Variants in SAMMSON observed in about 807,000 individuals in gnomAD.
SAMMSON encodes the protein long intergenic non-protein coding RNA 1212.
intron 3 of SAMMSON, among the ~76,000 whole-genome samples, chr3:70,064,354 G>A (rs2067201640): frequency 6.6e-6 from 1 of 152,162 alleles, no homozygotes; most frequent in African/African-American, 2.4e-5. Context: ...TTAAGCACTT[G>A]TAGTTAAGCG....
chr3:70,407,600 G>C (rs568173179), intron 2 of SAMMSON, among the ~76,000 whole-genome samples: 12 of 152,362 alleles, frequency 7.9e-5, no homozygotes, highest in Admixed American at 5.9e-4. Context: ...TCCAGGTTAT[G>C]CTGATGGAAG....
chr3:70,376,886 TG>T (rs1483993894), intron 9 of SAMMSON, among the ~76,000 whole-genome samples: 2 of 152,204 alleles, frequency 1.3e-5, no homozygotes, highest in African/African-American at 4.8e-5. Flanking sequence ...TTCTTTGTTT[TG>T]TTTGGTTTAA....
chr3:70,019,753 A>G (rs988894443), intron 3 of SAMMSON, among the ~76,000 whole-genome samples: 1 of 152,092 alleles, frequency 6.6e-6, no homozygotes, highest in Non-Finnish European at 1.5e-5. Flanking sequence ...TGCTTCCTTC[A>G]GGAGCTCTTG....
At chr3:70,347,937 G>A (rs1219173745) in intron 7 of SAMMSON, among the ~76,000 whole-genome samples, 1 of 152,128 alleles carries the variant, frequency 6.6e-6, no homozygotes, top group African/African-American at 2.4e-5. Flanking sequence ...CAGCTACTTG[G>A]GAGACTGAGG....
chr3:70,250,620 T>C (rs1559544984), intron 6 of SAMMSON, among the ~76,000 whole-genome samples: 1 of 152,190 alleles, frequency 6.6e-6, no homozygotes, highest in Non-Finnish European at 1.5e-5. Flanking sequence ...GTTCAGCGAA[T>C]GTGTGTAATT....
chr3:70,307,205 G>T (rs1324589881), intron 7 of SAMMSON, among the ~76,000 whole-genome samples: 4 of 152,208 alleles, frequency 2.6e-5, no homozygotes, highest in African/African-American at 4.8e-5. Flanking sequence ...TTTGGTGGTG[G>T]TGTTGTTATT....
chr3:70,290,368 G>C (rs1268380803), intron 6 of SAMMSON, among the ~76,000 whole-genome samples: 1 of 152,212 alleles, frequency 6.6e-6, no homozygotes, highest in African/African-American at 2.4e-5. Context: ...CAGTTAGGCT[G>C]CTCGGGGGCC....
chr3:70,027,924 T>G (rs17006655), intron 3 of SAMMSON, among the ~76,000 whole-genome samples: 8,010 of 152,196 alleles, frequency 0.053, 517 homozygotes, highest in African/African-American at 0.15. Flanking sequence ...CCGTTTTCAT[T>G]TGGGGGTAAT....
At position 70,162,134 on chromosome 3, in the gene SAMMSON, T is replaced by C. The variant is rs543895113; in HGVS notation, n.508-86973T>C. On this transcript the variant is annotated intron_variant and non_coding_transcript_variant, in intron 4 of 9. Transcript: ENST00000642114. ...TTTATTTTTCTGTTTTCTAATTCAATGGTTTTTCACTCTAATCTTTATTGT... is the reference window on the plus strand; with the variant it reads ...TTTATTTTTCTGTTTTCTAATTCAACGGTTTTTCACTCTAATCTTTATTGT... Among the ~76,000 whole-genome samples the C allele has an allele frequency of 3.8e-4, 58 of 151,978 alleles. 1 individual carries two copies. The South Asian group carries it at 0.011, about 28-fold the overall frequency.
At chr3:70,043,879 A>G (rs1319885149) in intron 3 of SAMMSON, among the ~76,000 whole-genome samples, 1 of 152,048 alleles carries the variant, frequency 6.6e-6, no homozygotes, top group Non-Finnish European at 1.5e-5. Flanking sequence ...TTAAAATTCT[A>G]GATTGGTGAT....
intron 2 of SAMMSON, among the ~76,000 whole-genome samples, chr3:70,412,861 A>C (rs149727544): frequency 6.6e-6 from 1 of 152,162 alleles, no homozygotes; most frequent in African/African-American, 2.4e-5. Context: ...CAGCGATTAC[A>C]ATAATAATTA....
chr3:70,327,176 A>G (rs1559564570), intron 7 of SAMMSON, among the ~76,000 whole-genome samples: 1 of 152,210 alleles, frequency 6.6e-6, no homozygotes, highest in Non-Finnish European at 1.5e-5. Flanking sequence ...ATAATAATTA[A>G]TACTAATATT....
At chr3:70,004,983 G>A (rs1156528713) in intron 1 of SAMMSON, among the ~76,000 whole-genome samples, 1 of 152,170 alleles carries the variant, frequency 6.6e-6, no homozygotes, top group Admixed American at 6.5e-5. Flanking sequence ...ATCCAGCATT[G>A]TTTCACTGAG....
chr3:70,366,861 T>C (rs981059925), intron 9 of SAMMSON, among the ~76,000 whole-genome samples: 1 of 151,750 alleles, frequency 6.6e-6, no homozygotes, highest in Non-Finnish European at 1.5e-5. Flanking sequence ...TTTTGAATTA[T>C]AGCCATTCTA....
At chr3:70,025,852 A>G (rs1434559335) in intron 3 of SAMMSON, among the ~76,000 whole-genome samples, 1 of 152,206 alleles carries the variant, frequency 6.6e-6, no homozygotes, top group Non-Finnish European at 1.5e-5. Flanking sequence ...TATTAAAAAA[A>G]TTGTAAGGAA....
intron 4 of SAMMSON, among the ~76,000 whole-genome samples, chr3:70,215,765 A>G (rs1461078938): frequency 6.6e-6 from 1 of 152,152 alleles, no homozygotes; most frequent in Non-Finnish European, 1.5e-5. Context: ...TCTGGCAGAA[A>G]GCAAGTAATA....
chr3:70,101,707 C>T (rs941481274), intron 4 of SAMMSON, among the ~76,000 whole-genome samples: 20 of 152,180 alleles, frequency 1.3e-4, no homozygotes, highest in Admixed American at 9.8e-4. Flanking sequence ...TATTTATATC[C>T]GTGGTTGCAT....
At chr3:70,147,725 A>G (rs2067555235) in intron 4 of SAMMSON, among the ~76,000 whole-genome samples, 1 of 152,106 alleles carries the variant, frequency 6.6e-6, no homozygotes, top group African/African-American at 2.4e-5. Context: ...AAACTTTGTG[A>G]TCTGTGGTTA....
At chr3:70,021,305 G>A (rs2067012462) in intron 3 of SAMMSON, among the ~76,000 whole-genome samples, 1 of 152,018 alleles carries the variant, frequency 6.6e-6, no homozygotes, top group Non-Finnish European at 1.5e-5. Flanking sequence ...TTTTATTTCA[G>A]TTTGATATGT....
Sources: gnomAD v4.1 joint callset for allele counts (sites outside exome capture counted in the v4.1 genomes callset) on GRCh38, gnomAD v4.1.1 for gene constraint, MANE v1.5 for transcripts, NCBI Gene and HGNC (gene_info 2026-07-23, HGNC 2026-07-21) for gene names.